Variants in CTNNA1 observed in about 807,000 individuals in gnomAD.
CTNNA1 encodes catenin alpha 1, also known as catenin alpha-1.
CTNNA1 carries 37 observed loss-of-function variants against 98.4 expected under a neutral mutation model. The ratio of observed to expected loss-of-function variants is 0.38; its 90% confidence interval spans 0.29 to 0.49. The LOEUF is 0.49. Ranked by LOEUF, CTNNA1 falls within the 20% of genes least tolerant of loss-of-function variation. The pLI, the probability that CTNNA1 is intolerant of heterozygous loss-of-function variation, is 0.95. For missense variants in CTNNA1, 761 were observed against 1,147.2 expected, an observed-to-expected ratio of 0.66 and a Z score of 4.86; for synonymous variants, 404 against 413.2, an observed-to-expected ratio of 0.98 and a Z score of 0.27.
In CTNNA1 at chr5:138,904,470, A is replaced by G; in HGVS notation, c.1389+29A>G. 19 of 1,587,526 alleles carry G rather than the reference A, an allele frequency of 1.2e-5. No individual in the cohort carries two copies. Among genetic ancestry groups the G allele is most frequent in the Middle Eastern group, 1.7e-4 (1 of 5,908 alleles). On this transcript the variant is annotated intron_variant, in intron 10 of 17. Coordinates refer to ENST00000302763, the MANE Select transcript of CTNNA1 (RefSeq NM_001903.5). ...AAGTACAACTGACACTGGTGACAGC[A>G]TAACCAAATTAAATTTTGATTCAAG...
chr5:138,767,187 C>T (rs1484916006), intron 1 of CTNNA1, among the ~76,000 whole-genome samples: 1 of 152,116 alleles, frequency 6.6e-6, no homozygotes, highest in Non-Finnish European at 1.5e-5. Context: ...AGGCGCCCGC[C>T]ATCACGCCTG....
chr5:138,794,304 A>G (rs902534546), intron 3 of CTNNA1, among the ~76,000 whole-genome samples: 4 of 152,136 alleles, frequency 2.6e-5, no homozygotes, highest in African/African-American at 7.2e-5. Flanking sequence ...GGCATGAGCC[A>G]CTGGGCCTGG....
chr5:138,863,733 G>T (rs187080138), intron 7 of CTNNA1, among the ~76,000 whole-genome samples: 4 of 152,274 alleles, frequency 2.6e-5, no homozygotes, highest in Non-Finnish European at 5.9e-5. Flanking sequence ...TTTAATAATC[G>T]CAAGGCTGAT....
chr5:138,768,175 A>C (rs1362320939), intron 1 of CTNNA1, among the ~76,000 whole-genome samples: 1 of 152,116 alleles, frequency 6.6e-6, no homozygotes, highest in South Asian at 2.1e-4. Context: ...CAGCTTTCCC[A>C]CTTGGGACAG....
At chr5:138,824,063 CGTTG>C (rs1275945398) in intron 5 of CTNNA1, among the ~76,000 whole-genome samples, 4 of 149,926 alleles carry the variant, frequency 2.7e-5, no homozygotes, top group Admixed American at 1.3e-4. Flanking sequence ...ATCTTTCTAT[CGTTG>C]GTTGGTATAG....
intron 7 of CTNNA1, among the ~76,000 whole-genome samples, chr5:138,838,549 C>G (rs1333730442): frequency 1.3e-5 from 2 of 151,706 alleles, no homozygotes; most frequent in African/African-American, 4.8e-5. Flanking sequence ...TCCTCTAATA[C>G]TTCCAATTTC....
chr5:138,864,062 A>G (rs933488309), intron 7 of CTNNA1, among the ~76,000 whole-genome samples: 1 of 152,174 alleles, frequency 6.6e-6, no homozygotes, highest in Non-Finnish European at 1.5e-5. Flanking sequence ...TCTGAGACTC[A>G]AGTGATCCTC....
At chr5:138,829,372 T>A (rs1303375088) in intron 7 of CTNNA1, among the ~76,000 whole-genome samples, 1 of 152,180 alleles carries the variant, frequency 6.6e-6, no homozygotes, top group Non-Finnish European at 1.5e-5. Flanking sequence ...TCTGCTATCA[T>A]GGGTAGTGCT....
rs562320449 is a variant in CTNNA1, at chr5:138,760,514, G to A, written c.-3+7004G>A. On this transcript the variant is annotated intron_variant, in intron 1 of 17. Coordinates refer to ENST00000302763, the MANE Select transcript of CTNNA1 (RefSeq NM_001903.5). Reference sequence around the variant, plus strand: ...TGAGTAGCTGGGATTACAGGTGTGCGCCACTACCACCCGGCTAATTTCTTT... The same window carrying A: ...TGAGTAGCTGGGATTACAGGTGTGCACCACTACCACCCGGCTAATTTCTTT... 5.9e-5 allele frequency among the ~76,000 whole-genome samples: 9 copies of A among 151,544 alleles called. 1 individual carries two copies. The South Asian group carries it at 1.0e-3, about 18-fold the overall frequency.
chr5:138,923,516 T>A (rs746920365), intron 11 of CTNNA1, among the ~76,000 whole-genome samples: 2 of 152,148 alleles, frequency 1.3e-5, no homozygotes, highest in South Asian at 4.1e-4. Flanking sequence ...GGAAAGGTGT[T>A]TTTTGTTTGT....
Position 138,916,544 on chromosome 5 carries a change from G to A in CTNNA1, c.1390-1198G>A, listed in dbSNP as rs1761814355. ...CGCCCAGCTTGTTTGTCTTTTTGAGGTGGAGTCTCACTGTGTTGCCCAAGC... is the reference window on the plus strand; with the variant it reads ...CGCCCAGCTTGTTTGTCTTTTTGAGATGGAGTCTCACTGTGTTGCCCAAGC... On this transcript the variant is annotated intron_variant, in intron 10 of 17. Coordinates refer to ENST00000302763, the MANE Select transcript of CTNNA1 (RefSeq NM_001903.5). Among the ~76,000 whole-genome samples, 3 of 151,074 alleles carry A rather than the reference G, an allele frequency of 2.0e-5. No individual in the cohort carries two copies. In the South Asian group the frequency reaches 6.3e-4, roughly 32 times the overall value.
chr5:138,771,153 A>G (rs564925807), intron 1 of CTNNA1, among the ~76,000 whole-genome samples: 25 of 151,116 alleles, frequency 1.7e-4, no homozygotes, highest in African/African-American at 6.1e-4. Flanking sequence ...TTTCTGGGAT[A>G]GTGACTATAC....
At chr5:138,793,341 A>T (rs1756578084) in intron 3 of CTNNA1, among the ~76,000 whole-genome samples, 1 of 152,038 alleles carries the variant, frequency 6.6e-6, no homozygotes, top group African/African-American at 2.4e-5. Context: ...CTGGATCACT[A>T]CCCTTGTGTG....
chr5:138,884,540 G>A (rs1753611244), intron 7 of CTNNA1, among the ~76,000 whole-genome samples: 1 of 152,116 alleles, frequency 6.6e-6, no homozygotes, highest in South Asian at 2.1e-4. Context: ...TACATTTTGG[G>A]GTAAAATAGT....
chr5:138,852,548 C>G (rs1477459977), intron 7 of CTNNA1, among the ~76,000 whole-genome samples: 1 of 151,970 alleles, frequency 6.6e-6, no homozygotes, highest in Non-Finnish European at 1.5e-5. Flanking sequence ...CAGTTTCTTC[C>G]TATATAGGTC....
In CTNNA1 at chr5:138,930,576, G is replaced by A; in HGVS notation, c.2114G>A (p.Trp705Ter). 6.2e-7 allele frequency: 1 copy of A among 1,614,046 alleles called. No individual in the cohort carries two copies. Among genetic ancestry groups the A allele is most frequent in the Non-Finnish European group, 8.5e-7 (1 of 1,179,968 alleles). The change falls in exon 15 of 18, where the codon TGG becomes TAG. Residue 705 changes from tryptophan (W) to a stop codon, truncating the protein, a stop_gained. Transcript: ENST00000302763. LOFTEE classifies it high-confidence loss of function. ...AAGCTGGATGCTGAAGTGTCCAAAT[G>A]GGACGACAGTGGCAATGACATCATT... Reference protein sequence around the residue: ...KSKLDAEVSKWDDSGNDIIVL... With the variant: ...KSKLDAEVSK
Position 138,930,820 on chromosome 5 carries a change from C to T in CTNNA1, c.2193-10C>T, listed in dbSNP as rs1408617933. The T allele has an allele frequency of 1.3e-6, 2 of 1,585,662 alleles. No individual in the cohort carries two copies. Among genetic ancestry groups the T allele is most frequent in the Middle Eastern group, 1.7e-4 (1 of 6,012 alleles). On this transcript the variant is annotated splice_polypyrimidine_tract_variant and intron_variant, in intron 15 of 17. Transcript: ENST00000302763. The stretch of plus-strand genomic sequence containing the variant: ...CATACAATAATCCTTGTTCTCTTCC[C>T]TCTTCTCAGAGGTAAAGGACCACTC...
intron 13 of CTNNA1, among the ~76,000 whole-genome samples, chr5:138,926,320 C>T (rs1320255177): frequency 2.0e-5 from 3 of 152,236 alleles, no homozygotes; most frequent in South Asian, 4.1e-4. Context: ...CTCCTCTGCC[C>T]TGCTGTTTCC....
chr5:138,865,145 G>C (rs1032430550), intron 7 of CTNNA1, among the ~76,000 whole-genome samples: 3 of 152,144 alleles, frequency 2.0e-5, no homozygotes, highest in African/African-American at 7.2e-5. Context: ...TGTACTCCTC[G>C]TGTAGAAGAT....
Sources: gnomAD v4.1 joint callset for allele counts (sites outside exome capture counted in the v4.1 genomes callset) on GRCh38, gnomAD v4.1.1 for gene constraint, MANE v1.5 for transcripts, NCBI Gene and HGNC (gene_info 2026-07-23, HGNC 2026-07-21) for gene names.